ARHGAP32: variants seen among roughly 807,000 people sequenced by gnomAD.
The protein encoded by ARHGAP32 is rho GTPase-activating protein 32.
Under a neutral mutation model 186.5 loss-of-function variants are expected in ARHGAP32, and 51 were observed. The observed-to-expected ratio is 0.27, with a 90% CI of 0.22 to 0.35. The LOEUF is 0.35. Among genes scored for constraint, ARHGAP32 ranks in the 10% least tolerant of loss-of-function variants. The pLI is 1.00. For synonymous variants in ARHGAP32, 950 were observed against 964.3 expected, an observed-to-expected ratio of 0.99 and a Z score of 0.27; for missense variants, 2,186 against 2,623.5, an observed-to-expected ratio of 0.83 and a Z score of 3.64.
chr11:129,270,300 C>T (rs1474148483), intron 1 of ARHGAP32, among the ~76,000 whole-genome samples: 1 of 152,106 alleles, frequency 6.6e-6, no homozygotes, highest in Non-Finnish European at 1.5e-5. Flanking sequence ...AACTATATGA[C>T]ATTCTGGAAA....
intron 11 of ARHGAP32, among the ~76,000 whole-genome samples, chr11:129,037,057 A>G (rs1939373458): frequency 6.6e-6 from 1 of 152,258 alleles, no homozygotes; most frequent in African/African-American, 2.4e-5. Flanking sequence ...ATTCCTATGG[A>G]CTTGCCATGA....
chr11:129,171,015 ATTTATC>A (rs1433007424), intron 1 of ARHGAP32, among the ~76,000 whole-genome samples: 4 of 151,534 alleles, frequency 2.6e-5, no homozygotes. Flanking sequence ...TGATGGGGTT[ATTTATC>A]TTTATCTTGT....
intron 1 of ARHGAP32, among the ~76,000 whole-genome samples, chr11:129,217,751 A>G (rs1944663872): frequency 6.6e-6 from 1 of 152,286 alleles, no homozygotes; most frequent in South Asian, 2.1e-4. Context: ...GATTATTCTA[A>G]TTTTTGAAAT....
intron 5 of ARHGAP32, among the ~76,000 whole-genome samples, chr11:129,097,609 G>A (rs637699): frequency 0.72 from 109,581 of 151,910 alleles, 39,934 homozygotes; most frequent in South Asian, 0.84. Flanking sequence ...AGACAAAAGA[G>A]ATGATTGAGT....
chr11:129,122,014 A>G (rs182995603), intron 5 of ARHGAP32, among the ~76,000 whole-genome samples: 46 of 152,228 alleles, frequency 3.0e-4, no homozygotes, highest in African/African-American at 9.6e-4. Flanking sequence ...CATTCACCTC[A>G]TAAAGGAAAT....
rs918735674 is a variant in ARHGAP32 at position 128,974,024 on chromosome 11, G to T, written c.3073+100C>A. 45 of 1,378,592 alleles carry T rather than the reference G, an allele frequency of 3.3e-5. No homozygotes were observed. In the Admixed American group the frequency reaches 9.1e-4, roughly 28 times the overall value. The allele number at this position is 1,378,592 out of a possible 1,614,324, so 85.4% of individuals were successfully genotyped here. On this transcript the variant is annotated intron_variant, in intron 21 of 22. Coordinates refer to ENST00000682385, the MANE Select transcript of ARHGAP32 (RefSeq NM_001378024.1). ...AGAAAAGCATTCTCTTTGATTAAAG[G>T]CTAGCTGTGGACAAATTTCTCTCTT...
intron 11 of ARHGAP32, among the ~76,000 whole-genome samples, chr11:129,023,288 T>C (rs1938681715): frequency 6.6e-6 from 1 of 152,172 alleles, no homozygotes; most frequent in Non-Finnish European, 1.5e-5. Context: ...TGGTTATCCT[T>C]ACCAATGCCA....
chr11:129,197,731 T>C (rs939864174), intron 1 of ARHGAP32, among the ~76,000 whole-genome samples: 19 of 152,196 alleles, frequency 1.2e-4, no homozygotes, highest in Non-Finnish European at 5.9e-5. Flanking sequence ...TGTAAAAATG[T>C]CATTCATCAT....
At chr11:129,238,922 C>T (rs184484988) in intron 1 of ARHGAP32, among the ~76,000 whole-genome samples, 2 of 152,126 alleles carry the variant, frequency 1.3e-5, no homozygotes, top group Non-Finnish European at 2.9e-5. Flanking sequence ...GCAGCCTCGA[C>T]CTCCCAGGCT....
At chr11:129,165,087 G>A (rs1490974986) in intron 1 of ARHGAP32, among the ~76,000 whole-genome samples, 2 of 152,090 alleles carry the variant, frequency 1.3e-5, no homozygotes, top group Non-Finnish European at 2.9e-5. Flanking sequence ...ATCTTAGTGG[G>A]ATGAGAAGGC....
chr11:129,100,623 C>T (rs893117330), intron 5 of ARHGAP32, among the ~76,000 whole-genome samples: 13 of 152,236 alleles, frequency 8.5e-5, no homozygotes, highest in South Asian at 2.1e-4. Flanking sequence ...CCACTGTAGA[C>T]GGAGCCTTGG....
intron 11 of ARHGAP32, among the ~76,000 whole-genome samples, chr11:129,011,476 G>A (rs954837340): frequency 6.6e-6 from 1 of 152,174 alleles, no homozygotes; most frequent in African/African-American, 2.4e-5. Flanking sequence ...AGAGAGTTAA[G>A]GAACAGTTTC....
intron 6 of ARHGAP32, among the ~76,000 whole-genome samples, chr11:129,067,628 C>T (rs1200679483): frequency 6.6e-6 from 1 of 151,906 alleles, no homozygotes; most frequent in African/African-American, 2.4e-5. Flanking sequence ...GCAACAACAA[C>T]AAGTCCTTCA....
chr11:129,140,707 A>G (rs1217428549), intron 2 of ARHGAP32, among the ~76,000 whole-genome samples: 1 of 152,190 alleles, frequency 6.6e-6, no homozygotes, highest in African/African-American at 2.4e-5. Flanking sequence ...TAGAGGAAGG[A>G]GCAAATTCTG....
chr11:129,202,551 C>T (rs552318663), intron 1 of ARHGAP32, among the ~76,000 whole-genome samples: 4 of 152,096 alleles, frequency 2.6e-5, no homozygotes, highest in South Asian at 4.1e-4. Flanking sequence ...ATCATGTATG[C>T]GATATAAATA....
intron 1 of ARHGAP32, among the ~76,000 whole-genome samples, chr11:129,217,491 T>C (rs59421910): frequency 0.13 from 19,079 of 152,192 alleles, 1,353 homozygotes; most frequent in Non-Finnish European, 0.15. Context: ...TATTTATTTT[T>C]TAAAAGTTCA....
At chr11:129,241,617 C>T (rs752221823) in intron 1 of ARHGAP32, among the ~76,000 whole-genome samples, 4 of 152,168 alleles carry the variant, frequency 2.6e-5, no homozygotes, top group Non-Finnish European at 5.9e-5. Context: ...TGCACTCCAG[C>T]CTGGGCAACA....
At chr11:129,140,092 C>T (rs1219052982) in intron 2 of ARHGAP32, among the ~76,000 whole-genome samples, 1 of 152,194 alleles carries the variant, frequency 6.6e-6, no homozygotes, top group Non-Finnish European at 1.5e-5. Flanking sequence ...TTTTCTCCAG[C>T]TGGTAGCAGA....
In ARHGAP32 at chr11:128,969,363, T is replaced by C; in HGVS notation, c.5850A>G (p.Arg1950=). ...AGAGCCTTACCTCTTTGTGGTTCAG[T>C]CTTAAAGATTCTTGCCCGGATGCAG... ...KYAASGQESL[R]LNHKEVRLSK... is the part of the protein sequence containing the mutation. The change falls in exon 23 of 23, where the codon AGA becomes AGG. Residue 1950 remains arginine, a synonymous_variant. Transcript: ENST00000682385. The surrounding 1 kb of genome is among the most constrained non-coding windows in gnomAD (Gnocchi z 4.8). 2 of 1,614,208 alleles carry C rather than the reference T, an allele frequency of 1.2e-6. No homozygotes were observed. The highest frequency in any genetic ancestry group is 8.5e-7 in the Non-Finnish European group (1 of 1,180,026).
Sources: allele counts gnomAD v4.1 joint callset (sites outside exome capture counted in the v4.1 genomes callset), GRCh38; gene constraint gnomAD v4.1.1; non-coding constraint Gnocchi (gnomAD v3.1); transcripts MANE v1.5; gene names NCBI Gene and HGNC (gene_info 2026-07-23, HGNC 2026-07-21).